SLC26A7: variants seen among roughly 807,000 people sequenced by gnomAD.
The protein encoded by SLC26A7 is solute carrier family 26 member 7.
In SLC26A7, 59 loss-of-function variants were observed where a neutral mutation model predicts 82.5. The ratio of observed to expected loss-of-function variants is 0.72; its 90% CI spans 0.58 to 0.89. The LOEUF (loss-of-function observed/expected upper bound fraction) is 0.89, where lower values mean the gene tolerates loss of function less well. Ranked by LOEUF, SLC26A7 falls within the 40% of genes least tolerant of loss-of-function variation. SLC26A7 has a pLI of 0.00. For synonymous variants in SLC26A7, 271 were observed against 274.3 expected, an observed-to-expected ratio of 0.99 and a Z score of 0.12; for missense variants, 820 against 793.0, an observed-to-expected ratio of 1.03 and a Z score of -0.41.
chr8:91,240,657 A>C (rs1412991161), intron 2 of SLC26A7, among the ~76,000 whole-genome samples: 3 of 152,168 alleles, frequency 2.0e-5, no homozygotes, highest in African/African-American at 7.2e-5. Flanking sequence ...CAAATTTCTG[A>C]ATATTATTAT....
intron 11 of SLC26A7, 112 bp downstream of exon 11, chr8:91,353,108 C>A: frequency 1.6e-6 from 1 of 644,282 alleles, no homozygotes; most frequent in Non-Finnish European, 2.5e-6. Flanking sequence ...GAGACTTGTA[C>A]ACTTTACAAA....
intron 2 of SLC26A7, among the ~76,000 whole-genome samples, chr8:91,252,861 C>T (rs953116404): frequency 1.3e-5 from 2 of 152,032 alleles, no homozygotes; most frequent in African/African-American, 4.8e-5. Flanking sequence ...ATGTATGATC[C>T]TCATGTCCCC....
At chr8:91,342,006 C>T (rs368160609) in intron 8 of SLC26A7, among the ~76,000 whole-genome samples, 4 of 152,024 alleles carry the variant, frequency 2.6e-5, no homozygotes, top group South Asian at 2.1e-4. Context: ...TGGCTCACTG[C>T]GGCCTCAACC....
chr8:91,236,625 T>C (rs532391460), intron 2 of SLC26A7, among the ~76,000 whole-genome samples: 1 of 152,172 alleles, frequency 6.6e-6, no homozygotes, highest in African/African-American at 2.4e-5. Flanking sequence ...ATTGACTTCA[T>C]GGCCACTAGA....
intron 2 of SLC26A7, among the ~76,000 whole-genome samples, chr8:91,257,844 A>G (rs2130709850): frequency 6.6e-6 from 1 of 152,144 alleles, no homozygotes; most frequent in East Asian, 1.9e-4. Context: ...ATGAAGAAAT[A>G]CCTGAGACTG....
intron 4 of SLC26A7, among the ~76,000 whole-genome samples, chr8:91,296,482 C>T (rs1439239474): frequency 2.0e-5 from 3 of 152,020 alleles, no homozygotes; most frequent in Non-Finnish European, 4.4e-5. Context: ...ACATTATTTA[C>T]AAGGTCAAAG....
chr8:91,344,314 C>T, intron 9 of SLC26A7: 1 of 534,038 alleles, frequency 1.9e-6, no homozygotes, highest in Non-Finnish European at 2.4e-6. Flanking sequence ...GATTGGAACC[C>T]AGATAGATTT....
At chr8:91,335,542 T>A (rs1220328778) in intron 6 of SLC26A7, among the ~76,000 whole-genome samples, 1 of 152,188 alleles carries the variant, frequency 6.6e-6, no homozygotes, top group African/African-American at 2.4e-5. Context: ...CTTGGGAAGC[T>A]ATATCGCATG....
chr8:91,319,526 G>T (rs1047401056), intron 5 of SLC26A7, among the ~76,000 whole-genome samples: 1 of 152,190 alleles, frequency 6.6e-6, no homozygotes, highest in African/African-American at 2.4e-5. Flanking sequence ...ATAATTTCCT[G>T]CTCAATGATT....
chr8:91,258,136 A>G (rs1434085818), intron 2 of SLC26A7, among the ~76,000 whole-genome samples: 1 of 152,006 alleles, frequency 6.6e-6, no homozygotes, highest in African/African-American at 2.4e-5. Flanking sequence ...TTAAGGTGAG[A>G]TTTTGGGGGG....
chr8:91,340,715 C>A, intron 8 of SLC26A7, 164 bp downstream of exon 8: 3 of 778,654 alleles, frequency 3.9e-6, no homozygotes, highest in South Asian at 1.8e-5. Context: ...TCATAGGAAG[C>A]TAAAAACCTG....
chr8:91,330,476 T>C (rs947593359), intron 5 of SLC26A7, among the ~76,000 whole-genome samples: 3 of 152,168 alleles, frequency 2.0e-5, no homozygotes, highest in African/African-American at 7.2e-5. Flanking sequence ...TATTTTGAGT[T>C]GTGGTCAAAT....
chr8:91,313,992 G>GT (rs1812560032), intron 4 of SLC26A7, among the ~76,000 whole-genome samples: 2 of 152,176 alleles, frequency 1.3e-5, no homozygotes, highest in South Asian at 4.1e-4. Context: ...AACATATGGT[G>GT]TTTATAGAAG....
chr8:91,252,287 C>T (rs1173190908), intron 2 of SLC26A7, among the ~76,000 whole-genome samples: 1 of 151,890 alleles, frequency 6.6e-6, no homozygotes, highest in Non-Finnish European at 1.5e-5. Flanking sequence ...TCAAGGAGTG[C>T]ATTTAAATTA....
chr8:91,212,890 T>C (rs537964834), intron 1 of SLC26A7, among the ~76,000 whole-genome samples: 2 of 152,218 alleles, frequency 1.3e-5, no homozygotes, highest in South Asian at 4.1e-4. Context: ...ACAATTAGAG[T>C]ATAAACATGA....
chr8:91,299,671 C>T (rs1812109960), intron 4 of SLC26A7, among the ~76,000 whole-genome samples: 1 of 152,014 alleles, frequency 6.6e-6, no homozygotes, highest in South Asian at 2.1e-4. Flanking sequence ...GACTGTAGCA[C>T]CCTGTTTTAT....
intron 15 of SLC26A7, among the ~76,000 whole-genome samples, chr8:91,376,970 A>G (rs2130889186): frequency 6.6e-6 from 1 of 152,210 alleles, no homozygotes; most frequent in Admixed American, 6.5e-5. Flanking sequence ...CTGTGGATGA[A>G]GCCCTCTGTC....
intron 2 of SLC26A7, among the ~76,000 whole-genome samples, chr8:91,222,458 GA>G (rs1223421518): frequency 6.6e-6 from 1 of 152,116 alleles, no homozygotes; most frequent in Non-Finnish European, 1.5e-5. Context: ...TTTTCAAAGG[GA>G]ATGCTTCCAG....
chr8:91,329,201 G>A (rs1185989809), intron 5 of SLC26A7, among the ~76,000 whole-genome samples: 1 of 152,020 alleles, frequency 6.6e-6, no homozygotes, highest in Admixed American at 6.6e-5. Flanking sequence ...TGCTTAGGAT[G>A]CCTGGAACTC....
Sources: gnomAD v4.1 joint callset for allele counts (sites outside exome capture counted in the v4.1 genomes callset) on GRCh38, gnomAD v4.1.1 for gene constraint, MANE v1.5 for transcripts, NCBI Gene and HGNC (gene_info 2026-07-23, HGNC 2026-07-21) for gene names.